The following LRRK1 variants were observed in gnomAD, a reference collection of about 807,000 sequenced individuals.
LRRK1 encodes leucine rich repeat kinase 1, also known as leucine-rich repeat serine/threonine-protein kinase 1.
LRRK1 carries 113 observed loss-of-function variants against 209.1 expected under a neutral mutation model. The observed-to-expected ratio is 0.54, with a 90% CI of 0.46 to 0.63. LRRK1 has a LOEUF of 0.63. Ranked by LOEUF, LRRK1 falls within the 30% of genes least tolerant of loss-of-function variation. LRRK1 has a pLI of 0.00. For missense variants in LRRK1, 2,284 were observed against 2,632.2 expected, an observed-to-expected ratio of 0.87 and a Z score of 2.89; for synonymous variants, 1,144 against 1,099.7, an observed-to-expected ratio of 1.04 and a Z score of -0.80.
chr15:101,009,004 CG>C lies in LRRK1; in HGVS notation c.931del (p.Asp311ThrfsTer47). On this transcript the variant is annotated frameshift_variant, in exon 7 of 34. Coordinates refer to ENST00000388948, the MANE Select transcript of LRRK1 (RefSeq NM_024652.6). LOFTEE classifies it high-confidence loss of function. ...TCAATCTCCGGAAGCTGAACCTCTC[CG>C]ACAACCACCTGGGGGAGCTGCCTGG... ...LINLRKLNLS[D>X]NHLGELPGVQ... 6.2e-7 allele frequency: 1 copy of C among 1,614,192 alleles called. No homozygotes were observed. The highest frequency in any genetic ancestry group is 8.5e-7 in the Non-Finnish European group (1 of 1,180,028).
At chr15:100,978,838 A>C (rs1217109723) in intron 3 of LRRK1, among the ~76,000 whole-genome samples, 1 of 151,698 alleles carries the variant, frequency 6.6e-6, no homozygotes, top group Admixed American at 6.6e-5. Context: ...AATTAATACC[A>C]ATGCTACATA....
rs144903518 is a variant in LRRK1, at chr15:100,928,438, A to G, written c.97+3709A>G. Among the ~76,000 whole-genome samples the G allele has an allele frequency of 5.4e-3, 814 of 152,124 alleles. 1 individual carries two copies. The highest frequency in any genetic ancestry group is 0.02 in the Middle Eastern group (6 of 294). On this transcript the variant is annotated intron_variant, in intron 2 of 33. Coordinates refer to ENST00000388948, the MANE Select transcript of LRRK1 (RefSeq NM_024652.6). Reference sequence around the variant, plus strand: ...CCTGTTTCCCCTCTCCCACCCCCCAAATCCACCAGCCTCACTCAGGGAACA... The same window carrying G: ...CCTGTTTCCCCTCTCCCACCCCCCAGATCCACCAGCCTCACTCAGGGAACA...
chr15:100,956,455 C>CTTTTTCTTTTCTTTTCTTTTTTT lies in LRRK1; in HGVS notation c.98-17344_98-17343insCTTTTCTTTTCTTTTTTTTTTTT. Reference sequence around the variant, plus strand: ...TTCGCTTTTCTTTCCTTTTTTTTTTCTTTTTTTTTTTTTTTTTTGAGACAG... The same window carrying CTTTTTCTTTTCTTTTCTTTTTTT: ...TTCGCTTTTCTTTCCTTTTTTTTTTCTTTTTCTTTTCTTTTCTTTTTTTTTTTTTTTTTTTTTTTTTGAGACAG... On this transcript the variant is annotated intron_variant, in intron 2 of 33. Coordinates refer to ENST00000388948, the MANE Select transcript of LRRK1 (RefSeq NM_024652.6). Among the ~76,000 whole-genome samples, 102 of 60,530 alleles carry CTTTTTCTTTTCTTTTCTTTTTTT rather than the reference C, an allele frequency of 1.7e-3. 1 individual carries two copies. The highest frequency in any genetic ancestry group is 2.6e-3 in the African/African-American group (31 of 11,724). 39.7% of individuals were successfully genotyped at this position (60,530 alleles called of 152,430 possible). A position where few individuals can be genotyped will look rare whatever the true frequency, so the allele number is the denominator to read the frequency against.
At position 100,973,906 on chromosome 15, in the gene LRRK1, G is replaced by A. The variant is rs2031126507; in HGVS notation, c.200G>A (p.Arg67His). 3 of 1,268,006 alleles carry A rather than the reference G, an allele frequency of 2.4e-6. No homozygotes were observed. Among genetic ancestry groups the A allele is most frequent in the Non-Finnish European group, 3.0e-6 (3 of 1,001,400 alleles). 78.5% of individuals were successfully genotyped at this position (1,268,006 alleles called of 1,614,324 possible). ...CGCGCCGCGTACAGGCGGGGAGACC[G>A]CGGCGGCGCCCGGGACCTGCTGGAG... ...GIRAAYRRGD[R>H]GGARDLLEEA... Residue 67 changes from arginine to histidine, a missense_variant, in exon 3 of 34, where the codon CGC (arginine) becomes CAC (histidine). Arg to His is a conservative substitution (Grantham distance 29, BLOSUM62 0). Transcript: ENST00000388948.
chr15:100,922,908 C>T (rs943689626), intron 1 of LRRK1, among the ~76,000 whole-genome samples: 18 of 152,198 alleles, frequency 1.2e-4, no homozygotes, highest in Non-Finnish European at 1.9e-4. Flanking sequence ...CCTGCCTTGA[C>T]GAGTCCAGTC....
rs1200968927 is a variant in LRRK1, at chr15:100,929,227, C to T, written c.97+4498C>T. Among the ~76,000 whole-genome samples the T allele has an allele frequency of 2.6e-5, 4 of 152,120 alleles. No homozygotes were observed. In the East Asian group the frequency reaches 5.8e-4, roughly 22 times the overall value. On this transcript the variant is annotated intron_variant, in intron 2 of 33. Coordinates refer to ENST00000388948, the MANE Select transcript of LRRK1 (RefSeq NM_024652.6). ...AATACTTGGGAAGACTTCTGGATTG[C>T]GGAGGGTGGGTGGAACTTGAGCAGA...
intron 2 of LRRK1, among the ~76,000 whole-genome samples, chr15:100,926,460 G>T (rs948296771): frequency 6.6e-6 from 1 of 151,832 alleles, no homozygotes; most frequent in African/African-American, 2.4e-5. Flanking sequence ...CACAGGAGGC[G>T]CTGCTCCCTC....
At chr15:101,037,018 G>A (rs1389253554) in intron 20 of LRRK1, among the ~76,000 whole-genome samples, 1 of 152,172 alleles carries the variant, frequency 6.6e-6, no homozygotes, top group African/African-American at 2.4e-5. Context: ...GCCTCTCCTT[G>A]GACCCCAGGG....
At position 101,076,858 on chromosome 15, in the gene LRRK1, G is replaced by A. The variant is rs952136529; in HGVS notation, c.*8010G>A. On this transcript the variant is annotated 3_prime_UTR_variant, in exon 34 of 34. Transcript: ENST00000388948. Reference sequence around the variant, plus strand: ...TGGATAGGTAGAGGCCTTTCCTACAGGGTCTGAGAAGGCCACCATGGTCAT... The same window carrying A: ...TGGATAGGTAGAGGCCTTTCCTACAAGGTCTGAGAAGGCCACCATGGTCAT... 7.9e-5 allele frequency: 12 copies of A among 152,216 alleles called. No individual in the cohort carries two copies. Among genetic ancestry groups the A allele is most frequent in the South Asian group, 2.1e-4 (1 of 4,828 alleles). The allele number at this position is 152,216 out of a possible 1,614,324, so 9.4% of individuals were successfully genotyped here.
Position 101,015,322 on chromosome 15 carries a change from C to T in LRRK1, c.1533-4C>T, listed in dbSNP as rs374435312. The T allele has an allele frequency of 2.5e-6, 4 of 1,613,010 alleles. No individual in the cohort carries two copies. The South Asian group carries it at 4.4e-5, about 18-fold the overall frequency. On this transcript the variant is annotated splice_region_variant and splice_polypyrimidine_tract_variant and intron_variant, in intron 11 of 33. Transcript: ENST00000388948. ...CAAATTTTGTCTCTTTTTCCTCCCCCCAGAAATGAAGATGGACTGAAAACG... is the reference window on the plus strand; with the variant it reads ...CAAATTTTGTCTCTTTTTCCTCCCCTCAGAAATGAAGATGGACTGAAAACG...
intron 2 of LRRK1, among the ~76,000 whole-genome samples, chr15:100,936,277 T>G (rs2042298309): frequency 6.6e-6 from 1 of 152,202 alleles, no homozygotes. Flanking sequence ...TGATCACTGC[T>G]CTCCTTCAAC....
intron 29 of LRRK1, 129 bp from the exon 30 acceptor site, chr15:101,061,042 G>C: frequency 5.5e-6 from 4 of 725,360 alleles, no homozygotes; most frequent in Non-Finnish European, 9.7e-6. Context: ...TGCCCTCTCA[G>C]AACACAGGAT....
chr15:100,974,746 G>A lies in LRRK1; in HGVS notation c.261+779G>A, dbSNP rs115615499. ...GCATAGATCTGCAGGGATTGAGAAT[G>A]TGGATATGAGGACTTTTAAAGTTTT... On this transcript the variant is annotated intron_variant, in intron 3 of 33. Coordinates refer to ENST00000388948, the MANE Select transcript of LRRK1 (RefSeq NM_024652.6). Among the ~76,000 whole-genome samples, 1,192 of 152,330 alleles carry A rather than the reference G, an allele frequency of 7.8e-3. 16 individuals are homozygous for A. The highest frequency in any genetic ancestry group is 0.028 in the African/African-American group (1,145 of 41,560).
chr15:101,038,655 T>G (rs1167385990), intron 20 of LRRK1, among the ~76,000 whole-genome samples: 1 of 152,228 alleles, frequency 6.6e-6, no homozygotes, highest in Non-Finnish European at 1.5e-5. Flanking sequence ...CTTCCTTGCC[T>G]TAGGTATTTC....
chr15:101,048,806 C>A (rs1215834806), intron 22 of LRRK1, 149 bp downstream of exon 22: 5 of 608,530 alleles, frequency 8.2e-6, no homozygotes, highest in Non-Finnish European at 1.3e-5. Context: ...AAATGTGAGG[C>A]CCTCCCACGA....
intron 29 of LRRK1, among the ~76,000 whole-genome samples, chr15:101,060,396 A>G (rs1413890953): frequency 6.6e-6 from 1 of 152,168 alleles, no homozygotes; most frequent in Non-Finnish European, 1.5e-5. Flanking sequence ...GCATAAAAAA[A>G]TGATGGGAAA....
At position 101,070,252 on chromosome 15, in the gene LRRK1, T is replaced by A. The variant is rs1368147541; in HGVS notation, c.*1404T>A. 2.0e-5 allele frequency: 3 copies of A among 149,580 alleles called. No individual in the cohort carries two copies. The highest frequency in any genetic ancestry group is 2.0e-4 in the East Asian group (1 of 5,084). 9.3% of individuals were successfully genotyped at this position (149,580 alleles called of 1,614,324 possible). On this transcript the variant is annotated 3_prime_UTR_variant, in exon 34 of 34. Coordinates refer to ENST00000388948, the MANE Select transcript of LRRK1 (RefSeq NM_024652.6). ...GCAGGTGGCCCCTGAGCAGCTTCCA[T>A]GGGTGGAGACGCTGCTCTGTCAGTC...
intron 2 of LRRK1, among the ~76,000 whole-genome samples, chr15:100,945,757 T>C (rs566512024): frequency 2.0e-5 from 3 of 152,290 alleles, no homozygotes; most frequent in South Asian, 4.1e-4. Context: ...CTTCCCAAAG[T>C]GCTGGGATTA....
intron 6 of LRRK1, among the ~76,000 whole-genome samples, chr15:101,005,115 T>G (rs1413321671): frequency 6.6e-6 from 1 of 152,180 alleles, no homozygotes. Context: ...ACACCTTGAT[T>G]CCATGTTCAG....
Sources: gnomAD v4.1 joint callset for allele counts (sites outside exome capture counted in the v4.1 genomes callset) on GRCh38, gnomAD v4.1.1 for gene constraint, MANE v1.5 for transcripts, NCBI Gene and HGNC (gene_info 2026-07-23, HGNC 2026-07-21) for gene names.